Variants in SLC4A4 observed in about 807,000 individuals in gnomAD.
SLC4A4 encodes the protein electrogenic sodium bicarbonate cotransporter 1.
SLC4A4 carries 27 observed loss-of-function variants against 111.5 expected under a neutral mutation model. The ratio of observed to expected loss-of-function variants is 0.24; its 90% CI spans 0.18 to 0.33. The LOEUF (loss-of-function observed/expected upper bound fraction) is 0.33. SLC4A4 is among the 10% of genes least tolerant of loss of function. The pLI is 1.00. For missense variants in SLC4A4, 909 were observed against 1,315.5 expected (o/e 0.69, Z 4.78); for synonymous variants, 443 against 463.4 (o/e 0.96, Z 0.57).
chr4:71,564,874 A>G (rs1349359009), intron 24 of SLC4A4, among the ~76,000 whole-genome samples: 1 of 151,948 alleles, frequency 6.6e-6, no homozygotes, highest in Non-Finnish European at 1.5e-5. Context: ...GCTTAAAAGA[A>G]CAAACATGTT....
intron 7 of SLC4A4, among the ~76,000 whole-genome samples, chr4:71,400,727 G>T: frequency 6.6e-6 from 1 of 151,966 alleles, no homozygotes; most frequent in East Asian, 1.9e-4. Context: ...CTACTATTTT[G>T]GTAACTTCAA....
chr4:71,072,687 T>C (rs1741701517), intron 1 of SLC4A4, among the ~76,000 whole-genome samples: 1 of 152,152 alleles, frequency 6.6e-6, no homozygotes, highest in Admixed American at 6.6e-5. Flanking sequence ...GTCTTCATGA[T>C]GTTGAATCTT....
chr4:71,096,005 T>C (rs540836448), intron 2 of SLC4A4, among the ~76,000 whole-genome samples: 6 of 152,170 alleles, frequency 3.9e-5, no homozygotes, highest in African/African-American at 1.4e-4. Flanking sequence ...GAGAGAAGGG[T>C]AAAATGGAAG....
intron 18 of SLC4A4, among the ~76,000 whole-genome samples, chr4:71,539,948 G>A (rs376169417): frequency 1.3e-5 from 2 of 152,236 alleles, no homozygotes; most frequent in East Asian, 3.9e-4. Context: ...CTCAAAGTGT[G>A]TGCTTATATT....
At chr4:71,215,742 T>C (rs1438837517) in intron 1 of SLC4A4, among the ~76,000 whole-genome samples, 2 of 152,154 alleles carry the variant, frequency 1.3e-5, no homozygotes, top group Non-Finnish European at 2.9e-5. Flanking sequence ...GCCGTGATGA[T>C]CACAAGTGAA....
At chr4:71,420,346 A>G (rs942421770) in intron 7 of SLC4A4, among the ~76,000 whole-genome samples, 9 of 152,226 alleles carry the variant, frequency 5.9e-5, no homozygotes, top group African/African-American at 2.2e-4. Flanking sequence ...TGAAAAGACC[A>G]AATCTATCTC....
At chr4:71,514,811 T>C (rs1732234400) in intron 16 of SLC4A4, among the ~76,000 whole-genome samples, 1 of 152,202 alleles carries the variant, frequency 6.6e-6, no homozygotes, top group Non-Finnish European at 1.5e-5. Context: ...ACGATCTTTG[T>C]ATTTTTGTTG....
intron 3 of SLC4A4, among the ~76,000 whole-genome samples, chr4:71,284,769 C>T (rs1375696374): frequency 6.6e-6 from 1 of 152,178 alleles, no homozygotes; most frequent in African/African-American, 2.4e-5. Flanking sequence ...TTTTGCTCCG[C>T]ATTCTTTTCT....
intron 7 of SLC4A4, chr4:71,437,759 C>T (rs1281986908): frequency 3.5e-6 from 1 of 288,068 alleles, no homozygotes; most frequent in African/African-American, 2.2e-5. Context: ...TTGGCAAGTT[C>T]AAGCTTGACA....
rs1052916362 is a variant in SLC4A4, at chr4:71,375,938, A to G, written c.730+18751A>G. 7.2e-5 allele frequency among the ~76,000 whole-genome samples: 11 copies of G among 151,912 alleles called. No homozygotes were observed. In the East Asian group the frequency reaches 1.7e-3, roughly 24 times the overall value. On this transcript the variant is annotated intron_variant, in intron 6 of 25. Coordinates refer to ENST00000264485, the MANE Select transcript of SLC4A4 (RefSeq NM_001098484.3). ...CCCTTATACTGTAGTCCTGATTCTC[A>G]AAGTAGGAACTGAAGAGCCCTAAGT...
chr4:71,533,745 A>G (rs919353476), intron 17 of SLC4A4, among the ~76,000 whole-genome samples: 5 of 152,086 alleles, frequency 3.3e-5, no homozygotes, highest in Admixed American at 2.0e-4. Context: ...AAATTCGGCA[A>G]TAGTATAAAC....
At chr4:71,352,003 T>C (rs1729885520) in intron 5 of SLC4A4, among the ~76,000 whole-genome samples, 1 of 152,178 alleles carries the variant, frequency 6.6e-6, no homozygotes, top group Non-Finnish European at 1.5e-5. Flanking sequence ...AGAAGAGATC[T>C]TGGATTATGG....
rs144804063 is a variant in SLC4A4, at chr4:71,416,637, T to C, written c.807+18984T>C. Among the ~76,000 whole-genome samples the C allele has an allele frequency of 9.2e-4, 140 of 152,260 alleles. 1 individual carries two copies. Among genetic ancestry groups the C allele is most frequent in the African/African-American group, 3.0e-3 (125 of 41,572 alleles). ...GGTGAGAATTTAATAAGATGATGCA[T>C]ACGAAGTTTTTGGTCCAGTGCCTGG... On this transcript the variant is annotated intron_variant, in intron 7 of 25. Transcript: ENST00000264485.
chr4:71,359,901 A>G (rs1163904196), intron 6 of SLC4A4, among the ~76,000 whole-genome samples: 2 of 152,232 alleles, frequency 1.3e-5, no homozygotes, highest in African/African-American at 4.8e-5. Flanking sequence ...ATAGCTAGCA[A>G]CAATGTAATA....
intron 2 of SLC4A4, among the ~76,000 whole-genome samples, chr4:71,143,214 T>C (rs1744061334): frequency 6.6e-6 from 1 of 152,122 alleles, no homozygotes; most frequent in South Asian, 2.1e-4. Context: ...TTTTTTGTCC[T>C]TGTGATAGTT....
intron 7 of SLC4A4, among the ~76,000 whole-genome samples, chr4:71,415,000 TATC>T (rs1327780605): frequency 6.6e-6 from 1 of 152,214 alleles, no homozygotes; most frequent in Non-Finnish European, 1.5e-5. Flanking sequence ...TTGGTGCAGT[TATC>T]ATGAGGAATT....
rs1362736137 is a variant in SLC4A4 at position 71,466,962 on chromosome 4, AGAGG to A, written c.1631+389_1631+392del. Reference sequence around the variant, plus strand: ...GAGAGAGAGAGAGAGAGAGAGAGAGAGAGGGAGAGAGAGAGAGGTCTGAGTATGT... The same window carrying A: ...GAGAGAGAGAGAGAGAGAGAGAGAGAGAGAGAGAGAGAGGTCTGAGTATGT... On this transcript the variant is annotated intron_variant, in intron 13 of 25. Coordinates refer to ENST00000264485, the MANE Select transcript of SLC4A4 (RefSeq NM_001098484.3). 2.4e-3 allele frequency among the ~76,000 whole-genome samples: 268 copies of A among 111,638 alleles called. 2 individuals are homozygous for A. Among genetic ancestry groups the A allele is most frequent in the East Asian group, 3.3e-3 (8 of 2,394 alleles). The allele number at this position is 111,638 out of a possible 152,430, so 73.2% of individuals were successfully genotyped here. A position where few individuals can be genotyped will look rare whatever the true frequency, so the allele number is the denominator to read the frequency against.
chr4:71,136,557 A>G (rs1327603796), intron 2 of SLC4A4, among the ~76,000 whole-genome samples: 1 of 152,210 alleles, frequency 6.6e-6, no homozygotes, highest in Non-Finnish European at 1.5e-5. Context: ...CTCAAGACTC[A>G]GTTATGGTTT....
Position 71,567,782 on chromosome 4 carries a change from C to A in SLC4A4, c.*37-6C>A. 1 of 1,393,186 alleles carries A rather than the reference C, an allele frequency of 7.2e-7. No individual in the cohort carries two copies. The highest frequency in any genetic ancestry group is 9.7e-7 in the Non-Finnish European group (1 of 1,027,094). 86.3% of individuals were successfully genotyped at this position (1,393,186 alleles called of 1,614,324 possible). On this transcript the variant is annotated splice_polypyrimidine_tract_variant and splice_region_variant and intron_variant, in intron 25 of 25. Coordinates refer to ENST00000264485, the MANE Select transcript of SLC4A4 (RefSeq NM_001098484.3). ...CTTACTACTTTTTTTTTTCCTTTTT[C>A]TCTAGTCCTCCTAGAACTCCAGTAA...
Sources: allele counts gnomAD v4.1 joint callset (sites outside exome capture counted in the v4.1 genomes callset), GRCh38; gene constraint gnomAD v4.1.1; transcripts MANE v1.5; gene names NCBI Gene and HGNC (gene_info 2026-07-23, HGNC 2026-07-21).